IFRD1: variants seen among roughly 807,000 people sequenced by gnomAD.
The protein encoded by IFRD1 is interferon related developmental regulator 1.
In IFRD1, 35 loss-of-function variants were observed where a neutral mutation model predicts 52.9. The observed-to-expected ratio is 0.66, with a 90% CI of 0.51 to 0.88. The LOEUF is 0.88. Ranked by LOEUF, IFRD1 falls within the 40% of genes least tolerant of loss-of-function variation. IFRD1 has a pLI of 0.00. For synonymous variants in IFRD1, 184 were observed against 188.4 expected (o/e 0.98, Z 0.19); for missense variants, 517 against 550.8 (o/e 0.94, Z 0.61).
At chr7:112,465,246 A>G (rs527528268) in intron 8 of IFRD1, among the ~76,000 whole-genome samples, 2 of 152,232 alleles carry the variant, frequency 1.3e-5, no homozygotes, top group South Asian at 4.1e-4. Context: ...TTATTTCTTA[A>G]TACTTAGCTA....
chr7:112,450,349 C>CGTCCAGTGGGGAGGT (rs2117277132), upstream of IFRD1: 1 of 293,802 alleles, frequency 3.4e-6, no homozygotes, highest in Admixed American at 5.1e-5. Flanking sequence ...CCGACGGAGG[C>CGTCCAGTGGGGAGGT]GTCCAGTGGG....
intron 1 of IFRD1, among the ~76,000 whole-genome samples, chr7:112,433,089 T>C (rs1794581752): frequency 6.6e-6 from 1 of 152,216 alleles, no homozygotes; most frequent in Non-Finnish European, 1.5e-5. Context: ...GAATCAACTG[T>C]AACCTCCCAA....
chr7:112,427,425 A>G (rs1227679294), intron 1 of IFRD1, among the ~76,000 whole-genome samples: 2 of 152,196 alleles, frequency 1.3e-5, no homozygotes, highest in Non-Finnish European at 2.9e-5. Flanking sequence ...TAAACTGATC[A>G]CCACTGGATT....
At chr7:112,424,446 C>T (rs1794385873) in intron 1 of IFRD1, among the ~76,000 whole-genome samples, 1 of 151,206 alleles carries the variant, frequency 6.6e-6, no homozygotes, top group South Asian at 2.1e-4. Flanking sequence ...CAGAGTTTCG[C>T]TCTTGTTGTC....
chr7:112,439,127 C>A (rs1204092639), intron 1 of IFRD1, among the ~76,000 whole-genome samples: 1 of 152,098 alleles, frequency 6.6e-6, no homozygotes, highest in Non-Finnish European at 1.5e-5. Flanking sequence ...TAATAGTGGG[C>A]ATAGAAGGAA....
At position 112,456,170 on chromosome 7, in the gene IFRD1, T is replaced by G. The variant is rs528128680; in HGVS notation, c.284+84T>G. 9.9e-6 allele frequency: 8 copies of G among 807,462 alleles called. No homozygotes were observed. The East Asian group carries it at 2.0e-4, about 20-fold the overall frequency. The allele number at this position is 807,462 out of a possible 1,614,324, so 50.0% of individuals were successfully genotyped here. On this transcript the variant is annotated intron_variant, in intron 3 of 11. Transcript: ENST00000403825. The stretch of plus-strand genomic sequence containing the variant: ...TAAGAGAAATGATTATTCTGTGTGA[T>G]TCTAATCAGTTACCTTACATGTATA...
At chr7:112,443,486 G>A (rs888940269) in intron 1 of IFRD1, among the ~76,000 whole-genome samples, 1 of 152,066 alleles carries the variant, frequency 6.6e-6, no homozygotes, top group Non-Finnish European at 1.5e-5. Context: ...CGGGAGGATT[G>A]CTTGAGCCCA....
At chr7:112,458,018 G>T (rs1165151811) in intron 4 of IFRD1, 4 of 152,128 alleles carry the variant, frequency 2.6e-5, no homozygotes, top group Non-Finnish European at 4.4e-5. Context: ...GATATATCTT[G>T]TTATTGGTAT....
upstream of IFRD1, among the ~76,000 whole-genome samples, chr7:112,449,839 G>A (rs1252973814): frequency 9.4e-6 from 1 of 106,482 alleles, no homozygotes; most frequent in African/African-American, 3.4e-5. Flanking sequence ...GGGGGGGGGG[G>A]GATGGGGGGC....
At chr7:112,424,174 T>C (rs953711218) in intron 1 of IFRD1, among the ~76,000 whole-genome samples, 3 of 152,092 alleles carry the variant, frequency 2.0e-5, no homozygotes, top group Non-Finnish European at 4.4e-5. Flanking sequence ...TATGGTGTCT[T>C]ATCTACCCTG....
chr7:112,423,656 G>A (rs1293666419), intron 1 of IFRD1, among the ~76,000 whole-genome samples: 1 of 152,164 alleles, frequency 6.6e-6, no homozygotes, highest in Non-Finnish European at 1.5e-5. Flanking sequence ...AGCAAATAGT[G>A]GGTCAGGAAG....
In IFRD1 at chr7:112,455,743, T is replaced by G. The variant is rs1795274921; in HGVS notation, c.95-20T>G. The G allele has an allele frequency of 5.9e-6, 9 of 1,522,626 alleles. No individual in the cohort carries two copies. The highest frequency in any genetic ancestry group is 8.2e-6 in the Non-Finnish European group (9 of 1,097,106). 94.3% of individuals were successfully genotyped at this position (1,522,626 alleles called of 1,614,324 possible). A position where few individuals can be genotyped will look rare whatever the true frequency, so the allele number is the denominator to read the frequency against. On this transcript the variant is annotated intron_variant, in intron 1 of 11. Coordinates refer to ENST00000403825, the MANE Select transcript of IFRD1 (RefSeq NM_001550.4). ...ATATGGCAATAAAATAATTTACCTC[T>G]TTCCTCTTTTACCTAATAGGTGGCC...
In IFRD1 at chr7:112,456,961, C is replaced by A. The variant is rs1795307184; in HGVS notation, c.332C>A (p.Ala111Asp). 2 of 1,613,586 alleles carry A rather than the reference C, an allele frequency of 1.2e-6. No individual in the cohort carries two copies. The highest frequency in any genetic ancestry group is 4.5e-5 in the East Asian group (2 of 44,844). Reference protein sequence around the residue: ...AALEGIKNALASKMLYEFILE... With the variant: ...AALEGIKNALDSKMLYEFILE... ...CTTGAAGGTATTAAAAATGCACTGG[C>A]TTCAAAAATGCTGTATGAATTTATT... is the stretch of plus-strand genomic sequence containing the variant. The change falls in exon 4 of 12, where the codon GCT becomes GAT. Residue 111 changes from alanine to aspartate, a missense_variant. Ala to Asp is a moderately radical substitution (Grantham distance 126). Transcript: ENST00000403825.
chr7:112,474,391 G>C (rs1795839853), intron 11 of IFRD1, among the ~76,000 whole-genome samples: 1 of 152,140 alleles, frequency 6.6e-6, no homozygotes, highest in African/African-American at 2.4e-5. Context: ...AAAGGTTCCA[G>C]TTTCTCCACA....
intron 1 of IFRD1, among the ~76,000 whole-genome samples, chr7:112,455,124 A>G (rs1795257301): frequency 6.7e-6 from 1 of 150,014 alleles, no homozygotes; most frequent in East Asian, 2.1e-4. Flanking sequence ...TCAGCCTCCC[A>G]AAGTGCTAGG....
chr7:112,459,526 T>C (rs1795379850), intron 5 of IFRD1, among the ~76,000 whole-genome samples: 1 of 152,190 alleles, frequency 6.6e-6, no homozygotes, highest in Non-Finnish European at 1.5e-5. Context: ...TAAGCTGTTT[T>C]TTTAAACAAG....
chr7:112,431,528 G>A (rs1161448395), intron 1 of IFRD1, among the ~76,000 whole-genome samples: 2 of 152,172 alleles, frequency 1.3e-5, no homozygotes, highest in Admixed American at 6.5e-5. Context: ...TAGACTCACA[G>A]CCGCAGTTCA....
chr7:112,430,806 C>T (rs1251279545), intron 1 of IFRD1, among the ~76,000 whole-genome samples: 2 of 152,114 alleles, frequency 1.3e-5, no homozygotes, highest in Non-Finnish European at 2.9e-5. Flanking sequence ...CTGCAGTTTG[C>T]TACTCCGCCA....
At chr7:112,431,887 A>G (rs975337594) in intron 1 of IFRD1, among the ~76,000 whole-genome samples, 1 of 152,244 alleles carries the variant, frequency 6.6e-6, no homozygotes, top group African/African-American at 2.4e-5. Flanking sequence ...TGTCCTTGAT[A>G]TAGATGTACT....
Sources: gnomAD v4.1 joint callset for allele counts (sites outside exome capture counted in the v4.1 genomes callset) on GRCh38, gnomAD v4.1.1 for gene constraint, MANE v1.5 for transcripts, NCBI Gene and HGNC (gene_info 2026-07-23, HGNC 2026-07-21) for gene names.